The following MTUS2 variants were observed in gnomAD, a reference collection of about 807,000 sequenced individuals.
MTUS2 encodes the protein microtubule associated scaffold protein 2, also known as microtubule-associated tumor suppressor candidate 2.
In MTUS2, 40 loss-of-function variants were observed where a neutral mutation model predicts 114.1. The ratio of observed to expected loss-of-function variants is 0.35; its 90% CI spans 0.27 to 0.46. The LOEUF (loss-of-function observed/expected upper bound fraction) is 0.46. Ranked by LOEUF, MTUS2 falls within the 20% of genes least tolerant of loss-of-function variation. The pLI is 1.00. For synonymous variants in MTUS2, 688 were observed against 672.0 expected, an observed-to-expected ratio of 1.02 and a Z score of -0.37; for missense variants, 1,679 against 1,705.4, an observed-to-expected ratio of 0.98 and a Z score of 0.27.
intron 6 of MTUS2, among the ~76,000 whole-genome samples, chr13:29,286,256 G>A (rs939748110): frequency 9.9e-5 from 15 of 152,278 alleles, no homozygotes; most frequent in African/African-American, 3.4e-4. Flanking sequence ...TGATGTATTT[G>A]TGGCTATGTT....
chr13:29,396,875 A>G (rs964031124), intron 8 of MTUS2, among the ~76,000 whole-genome samples: 3 of 152,198 alleles, frequency 2.0e-5, no homozygotes, highest in Admixed American at 2.0e-4. Context: ...ACATTGAAAC[A>G]TGGTCTTCAT....
At chr13:29,060,846 A>G (rs2475547) in intron 4 of MTUS2, among the ~76,000 whole-genome samples, 141,494 of 145,838 alleles carry the variant, frequency 0.97, 68,664 homozygotes, top group Non-Finnish European at 0.98. Flanking sequence ...TGTTGCCCAG[A>G]CTGGAGTGCA....
chr13:28,994,607 A>C (rs1292015603), intron 2 of MTUS2, among the ~76,000 whole-genome samples: 2 of 152,162 alleles, frequency 1.3e-5, no homozygotes, highest in African/African-American at 2.4e-5. Flanking sequence ...ATGGTGTGAG[A>C]CGGTATCTCA....
chr13:29,453,507 T>C (rs17073405), intron 9 of MTUS2, among the ~76,000 whole-genome samples: 2,050 of 152,272 alleles, frequency 0.013, 43 homozygotes, highest in African/African-American at 0.047. Flanking sequence ...ACATAGCAGG[T>C]CATTCATATC....
chr13:29,400,314 G>GT (rs1282535748), intron 8 of MTUS2, among the ~76,000 whole-genome samples: 3 of 152,216 alleles, frequency 2.0e-5, no homozygotes, highest in African/African-American at 7.2e-5. Context: ...AGTGGTCAGC[G>GT]GTGTACAGCA....
intron 4 of MTUS2, among the ~76,000 whole-genome samples, chr13:29,039,219 G>T (rs1297495979): frequency 6.6e-5 from 10 of 152,136 alleles, no homozygotes; most frequent in Non-Finnish European, 1.3e-4. Flanking sequence ...ACCCTGGCCC[G>T]GGGCTAGCCC....
chr13:29,448,812 G>T (rs1228816536), intron 9 of MTUS2, among the ~76,000 whole-genome samples: 1 of 145,242 alleles, frequency 6.9e-6, no homozygotes, highest in Non-Finnish European at 1.5e-5. Flanking sequence ...GGAGTGCAGT[G>T]GTGTGACCTC....
At chr13:28,976,221 AAAAG>A (rs1435788685) in intron 2 of MTUS2, among the ~76,000 whole-genome samples, 9 of 124,280 alleles carry the variant, frequency 7.2e-5, no homozygotes, top group Middle Eastern at 3.7e-3. Context: ...AAAAAAAAAA[AAAAG>A]AAAAGAAGAA....
At chr13:28,950,913 T>C (rs1394552281) in intron 2 of MTUS2, among the ~76,000 whole-genome samples, 1 of 152,202 alleles carries the variant, frequency 6.6e-6, no homozygotes, top group Non-Finnish European at 1.5e-5. Context: ...AAAGCTTCCA[T>C]TTGTAAAAAA....
chr13:29,384,056 GA>G (rs1872462405), intron 8 of MTUS2, among the ~76,000 whole-genome samples: 2 of 152,154 alleles, frequency 1.3e-5, no homozygotes, highest in Non-Finnish European at 2.9e-5. Context: ...TTAAGCTAAT[GA>G]ATGCTTTTTC....
chr13:28,904,197 C>T (rs1194528601), intron 2 of MTUS2, among the ~76,000 whole-genome samples: 1 of 152,004 alleles, frequency 6.6e-6, no homozygotes, highest in Non-Finnish European at 1.5e-5. Context: ...AAATTTTCTC[C>T]CATTCTGTAG....
intron 2 of MTUS2, among the ~76,000 whole-genome samples, chr13:28,938,743 T>C (rs1311785079): frequency 6.7e-6 from 1 of 149,046 alleles, no homozygotes; most frequent in African/African-American, 2.6e-5. Context: ...ACTTTAACTC[T>C]ACCAGTCACC....
chr13:29,090,462 G>A (rs1054715712), intron 4 of MTUS2, among the ~76,000 whole-genome samples: 16 of 152,266 alleles, frequency 1.1e-4, no homozygotes, highest in Non-Finnish European at 2.2e-4. Flanking sequence ...GGCTGCAGGC[G>A]AGCCCACACC....
At chr13:29,266,769 G>T (rs1897682934) in intron 5 of MTUS2, among the ~76,000 whole-genome samples, 1 of 152,116 alleles carries the variant, frequency 6.6e-6, no homozygotes. Context: ...ATAGGAAGTG[G>T]CCCCCTGGGA....
chr13:28,874,274 A>G (rs1877800875), intron 2 of MTUS2, among the ~76,000 whole-genome samples: 2 of 152,220 alleles, frequency 1.3e-5, no homozygotes, highest in Non-Finnish European at 2.9e-5. Context: ...GTGCAGGATT[A>G]CAGGCATGAA....
intron 2 of MTUS2, among the ~76,000 whole-genome samples, chr13:28,865,788 A>C (rs376673973): frequency 7.2e-5 from 11 of 152,156 alleles, no homozygotes; most frequent in East Asian, 3.9e-4. Context: ...GGTTTTCCCT[A>C]TGATGACATT....
chr13:29,085,305 T>A (rs1889641975), intron 4 of MTUS2, among the ~76,000 whole-genome samples: 1 of 152,226 alleles, frequency 6.6e-6, no homozygotes, highest in Admixed American at 6.5e-5. Flanking sequence ...TTATTTTAAG[T>A]TCAGGGGGTA....
At chr13:28,891,107 C>T (rs777310717) in intron 2 of MTUS2, among the ~76,000 whole-genome samples, 11 of 152,130 alleles carry the variant, frequency 7.2e-5, no homozygotes, top group Admixed American at 3.3e-4. Flanking sequence ...TTGCAGGGAA[C>T]GAAGCTATGG....
intron 2 of MTUS2, among the ~76,000 whole-genome samples, chr13:28,889,276 G>A (rs1023795566): frequency 6.6e-6 from 1 of 152,132 alleles, no homozygotes; most frequent in African/African-American, 2.4e-5. Flanking sequence ...GAGGCATTTC[G>A]GGTTCACTTA....
Sources: gnomAD v4.1 joint callset for allele counts (sites outside exome capture counted in the v4.1 genomes callset) on GRCh38, gnomAD v4.1.1 for gene constraint, MANE v1.5 for transcripts, NCBI Gene and HGNC (gene_info 2026-07-23, HGNC 2026-07-21) for gene names.